The following RAB7A variants were observed in gnomAD, a reference collection of about 807,000 sequenced individuals.
RAB7A encodes the protein ras-related protein Rab-7a.
A neutral mutation model predicts 24.5 loss-of-function variants in RAB7A; 2 were observed. The ratio of observed to expected loss-of-function variants is 0.08; its 90% CI spans 0.03 to 0.26. The LOEUF (loss-of-function observed/expected upper bound fraction) is 0.26. Among genes scored for constraint, RAB7A ranks in the 10% least tolerant of loss-of-function variants. RAB7A has a pLI of 1.00. For synonymous variants in RAB7A, 100 were observed against 95.9 expected (o/e 1.04, Z -0.25); for missense variants, 118 against 255.7 (o/e 0.46, Z 3.67).
intron 1 of RAB7A, 189 bp from the exon 2 acceptor site, chr3:128,795,171 T>C (rs1484241618): frequency 3.1e-6 from 2 of 647,258 alleles, no homozygotes; most frequent in African/African-American, 1.8e-5. Flanking sequence ...CTGTTCTGCC[T>C]CGCTCTTGGG....
intron 3 of RAB7A, chr3:128,798,837 A>G (rs1165847162): frequency 3.9e-6 from 1 of 257,994 alleles, no homozygotes; most frequent in Non-Finnish European, 7.4e-6. Flanking sequence ...AAAAAAAAAA[A>G]AAAAAAAAGA....
intron 3 of RAB7A, among the ~76,000 whole-genome samples, chr3:128,801,405 G>A (rs1933695364): frequency 3.8e-4 from 1 of 2,644 alleles, no homozygotes; most frequent in African/African-American, 1.9e-3. Flanking sequence ...AGGATGGGGG[G>A]AACCTTTTGA....
At chr3:128,778,981 A>G (rs1414820772) in intron 1 of RAB7A, among the ~76,000 whole-genome samples, 1 of 152,236 alleles carries the variant, frequency 6.6e-6, no homozygotes, top group East Asian at 1.9e-4. Flanking sequence ...TTTTGCAGCT[A>G]GAATAGTTTG....
At chr3:128,726,542 A>T (rs1453707463) in intron 1 of RAB7A, among the ~76,000 whole-genome samples, 183 bp downstream of exon 1, 1 of 151,670 alleles carries the variant, frequency 6.6e-6, no homozygotes, top group Non-Finnish European at 1.5e-5. Context: ...CGGCTTGGAG[A>T]GGTCGGAGGT....
intron 1 of RAB7A, among the ~76,000 whole-genome samples, chr3:128,756,953 C>T (rs1045610084): frequency 2.6e-5 from 4 of 151,962 alleles, no homozygotes; most frequent in East Asian, 1.9e-4. Context: ...AAGCGATTCT[C>T]CTGCTTCAGC....
rs138454028 is a variant in RAB7A at position 128,798,421 on chromosome 3, T to G, written c.180+352T>G. On this transcript the variant is annotated intron_variant, in intron 3 of 5. Coordinates refer to ENST00000265062, the MANE Select transcript of RAB7A (RefSeq NM_004637.6). ...CTCTCTTGACATCCTTGCCCAGTGC[T>G]TTAGGTAAACATCTTTGTCTCACCT... The G allele has an allele frequency of 1.8e-3, 500 of 277,216 alleles. 1 individual carries two copies. Among genetic ancestry groups the G allele is most frequent in the Non-Finnish European group, 2.6e-3 (364 of 140,772 alleles). 17.2% of individuals were successfully genotyped at this position (277,216 alleles called of 1,614,324 possible). A position where few individuals can be genotyped will look rare whatever the true frequency, so the allele number is the denominator to read the frequency against.
chr3:128,810,647 T>G lies in RAB7A; in HGVS notation c.529-2680T>G, dbSNP rs183084185. Among the ~76,000 whole-genome samples, 9 of 152,306 alleles carry G rather than the reference T, an allele frequency of 5.9e-5. No homozygotes were observed. The East Asian group carries it at 1.7e-3, about 29-fold the overall frequency. ...TCACCTCTTCTTATAAGGACACGAA[T>G]TCTCAGATCAGGTCCCCATCCTGCA... is the stretch of plus-strand genomic sequence containing the variant. On this transcript the variant is annotated intron_variant, in intron 5 of 5. Coordinates refer to ENST00000265062, the MANE Select transcript of RAB7A (RefSeq NM_004637.6).
rs191531333 is a variant in RAB7A, at chr3:128,803,831, A to T, written c.181-2541A>T. ...AAGAAGGAAGAAAATGCAATGAGGG[A>T]AGGGTTAACTCTTGGAAAAAACGGA... On this transcript the variant is annotated intron_variant, in intron 3 of 5. Coordinates refer to ENST00000265062, the MANE Select transcript of RAB7A (RefSeq NM_004637.6). Among the ~76,000 whole-genome samples the T allele has an allele frequency of 1.2e-4, 18 of 152,338 alleles. No individual in the cohort carries two copies. The East Asian group carries it at 3.3e-3, about 28-fold the overall frequency.
At chr3:128,805,125 GT>G (rs1933774302) in intron 3 of RAB7A, among the ~76,000 whole-genome samples, 1 of 148,576 alleles carries the variant, frequency 6.7e-6, no homozygotes, top group Admixed American at 6.6e-5. Flanking sequence ...TCTTTTGTTT[GT>G]TTGTTTGTTT....
chr3:128,798,037 G>A lies in RAB7A; in HGVS notation c.148G>A (p.Val50Met), dbSNP rs1933610846. 1.9e-6 allele frequency: 3 copies of A among 1,614,122 alleles called. No homozygotes were observed. Among genetic ancestry groups the A allele is most frequent in the Non-Finnish European group, 2.5e-6 (3 of 1,179,984 alleles). The change falls in exon 3 of 6, where the codon GTG becomes ATG. Residue 50 changes from valine (V) to methionine (M), a missense_variant. Around this residue, in one of 2 missense-constraint regions of RAB7A, gnomAD observed 52 missense variants for 173.5 expected, o/e 0.30. Coordinates refer to ENST00000265062, the MANE Select transcript of RAB7A (RefSeq NM_004637.6). Reference sequence around the variant, plus strand: ...AGGAGCTGACTTTCTGACCAAGGAGGTGATGGTGGATGACAGGCTAGTCAC... The same window carrying A: ...AGGAGCTGACTTTCTGACCAAGGAGATGATGGTGGATGACAGGCTAGTCAC... ...TIGADFLTKE[V>M]MVDDRLVTMQ...
At chr3:128,797,564 C>T (rs1277257636) in intron 2 of RAB7A, among the ~76,000 whole-genome samples, 1 of 152,220 alleles carries the variant, frequency 6.6e-6, no homozygotes, top group Non-Finnish European at 1.5e-5. Flanking sequence ...AATGGAGAAA[C>T]ATCTAAGATA....
intron 1 of RAB7A, chr3:128,764,968 G>C: frequency 1.3e-6 from 2 of 1,596,330 alleles, no homozygotes; most frequent in Non-Finnish European, 1.7e-6. Flanking sequence ...GGCGGCCTCT[G>C]AGTCCTGGTG....
intron 3 of RAB7A, among the ~76,000 whole-genome samples, chr3:128,804,111 T>TG (rs1553722979): frequency 3.4e-5 from 5 of 148,622 alleles, no homozygotes; most frequent in African/African-American, 1.0e-4. Context: ...GGGACCTCCC[T>TG]GGGCCCCCCC....
At chr3:128,786,818 T>A (rs1169060957) in intron 1 of RAB7A, among the ~76,000 whole-genome samples, 1 of 152,226 alleles carries the variant, frequency 6.6e-6, no homozygotes, top group Non-Finnish European at 1.5e-5. Flanking sequence ...CTGATCAGAT[T>A]ATGCTGACAG....
chr3:128,806,650 T>G lies in RAB7A; in HGVS notation c.399+60T>G, dbSNP rs1042722326. 2.0e-6 allele frequency: 3 copies of G among 1,492,884 alleles called. No individual in the cohort carries two copies. In the African/African-American group the frequency reaches 4.1e-5, roughly 21 times the overall value. 92.5% of individuals were successfully genotyped at this position (1,492,884 alleles called of 1,614,324 possible). On this transcript the variant is annotated intron_variant, in intron 4 of 5. Coordinates refer to ENST00000265062, the MANE Select transcript of RAB7A (RefSeq NM_004637.6). ...ACCTGCTCCCCAGGGGCCTTGTGAATTTGGAGGGTTCTCTGCTAAGCTCAC... is the reference window on the plus strand; with the variant it reads ...ACCTGCTCCCCAGGGGCCTTGTGAAGTTGGAGGGTTCTCTGCTAAGCTCAC...
At chr3:128,776,854 T>C (rs1210533845) in intron 1 of RAB7A, among the ~76,000 whole-genome samples, 1 of 151,844 alleles carries the variant, frequency 6.6e-6, no homozygotes, top group Non-Finnish European at 1.5e-5. Context: ...CTAACACCAA[T>C]CTTTGTCTTT....
At chr3:128,766,264 T>C (rs988236281) in intron 1 of RAB7A, among the ~76,000 whole-genome samples, 19 of 152,126 alleles carry the variant, frequency 1.2e-4, no homozygotes, top group Non-Finnish European at 2.2e-4. Flanking sequence ...GTTTGCAAAA[T>C]TGCATCTCTC....
intron 5 of RAB7A, among the ~76,000 whole-genome samples, chr3:128,813,085 A>G (rs1272260160): frequency 6.6e-6 from 1 of 152,212 alleles, no homozygotes; most frequent in African/African-American, 2.4e-5. Context: ...TCTTCTGGCA[A>G]GACTCCTCTC....
At chr3:128,809,592 G>GA (rs1933875388) in intron 5 of RAB7A, among the ~76,000 whole-genome samples, 2 of 152,188 alleles carry the variant, frequency 1.3e-5, no homozygotes, top group South Asian at 4.1e-4. Flanking sequence ...TGAACATAGG[G>GA]AAAAAGTAAT....
Sources: gnomAD v4.1 joint callset for allele counts (sites outside exome capture counted in the v4.1 genomes callset) on GRCh38, gnomAD v4.1.1 for gene constraint, gnomAD v4.1.1 regional missense constraint, MANE v1.5 for transcripts, NCBI Gene and HGNC (gene_info 2026-07-23, HGNC 2026-07-21) for gene names.